NHS: variants seen among roughly 807,000 people sequenced by gnomAD.
NHS encodes the protein actin remodeling regulator NHS.
NHS carries 5 observed loss-of-function variants against 72.5 expected under a neutral mutation model. That is an observed-to-expected ratio of 0.07 (90% CI 0.04 to 0.14). The LOEUF (loss-of-function observed/expected upper bound fraction) is 0.14. NHS is among the 10% of genes least tolerant of loss of function. The pLI is 1.00. For missense variants in NHS, 1,072 were observed against 1,355.7 expected (o/e 0.79, Z 3.29); for synonymous variants, 464 against 547.7 (o/e 0.85, Z 2.13).
chrX:17,460,915 G>A (rs1169810524), intron 1 of NHS, among the ~76,000 whole-genome samples: 1 of 111,934 alleles, frequency 8.9e-6, no homozygotes, highest in Non-Finnish European at 1.9e-5. Context: ...TCAAGCCCAG[G>A]GAGTCTGACC....
At chrX:17,556,560 G>T (rs1184660899) in intron 1 of NHS, among the ~76,000 whole-genome samples, 4 of 112,852 alleles carry the variant, frequency 3.5e-5, no homozygotes, top group Non-Finnish European at 7.5e-5. Flanking sequence ...TCCTTACTTA[G>T]CTCTATAAAG....
chrX:17,521,366 CTTT>C (rs766662277), intron 1 of NHS, among the ~76,000 whole-genome samples: 1 of 97,350 alleles, frequency 1.0e-5, no homozygotes, highest in Admixed American at 1.1e-4. Context: ...TCCCTTCCCT[CTTT>C]TTTTTTTTTT....
At chrX:17,445,724 G>A (rs2064775477) in intron 1 of NHS, among the ~76,000 whole-genome samples, 1 of 94,718 alleles carries the variant, frequency 1.1e-5, no homozygotes, top group African/African-American at 3.9e-5. Flanking sequence ...AAATCGCTGA[G>A]GTCTCGACTT....
intron 1 of NHS, among the ~76,000 whole-genome samples, chrX:17,634,212 C>A (rs921718056): frequency 8.9e-6 from 1 of 112,270 alleles, no homozygotes; most frequent in East Asian, 2.8e-4. Flanking sequence ...TCTGGGCTGT[C>A]TTAATGCATC....
intron 1 of NHS, among the ~76,000 whole-genome samples, chrX:17,468,419 A>G (rs1015858185): frequency 9.1e-6 from 1 of 110,143 alleles, no homozygotes; most frequent in Non-Finnish European, 1.9e-5. Flanking sequence ...CATCATTTAA[A>G]GATATTGGGA....
At chrX:17,537,192 A>G (rs2065230145) in intron 1 of NHS, among the ~76,000 whole-genome samples, 1 of 112,395 alleles carries the variant, frequency 8.9e-6, no homozygotes, top group Non-Finnish European at 1.9e-5. Flanking sequence ...AGTTTCTGGT[A>G]GATGTTTTGC....
intron 2 of NHS, among the ~76,000 whole-genome samples, chrX:17,690,562 C>T (rs1389307663): frequency 1.8e-5 from 2 of 112,114 alleles, no homozygotes; most frequent in Non-Finnish European, 3.8e-5. Flanking sequence ...ATAGCAAACC[C>T]CCCAACAAAT....
chrX:17,603,323 G>C (rs902959407), intron 1 of NHS, among the ~76,000 whole-genome samples: 1 of 112,000 alleles, frequency 8.9e-6, no homozygotes, highest in Admixed American at 9.4e-5. Flanking sequence ...ATTTAGCAAC[G>C]GTGATTTTAG....
At chrX:17,564,463 C>T (rs2065431257) in intron 1 of NHS, among the ~76,000 whole-genome samples, 1 of 111,986 alleles carries the variant, frequency 8.9e-6, no homozygotes, top group Non-Finnish European at 1.9e-5. Context: ...GGGTCCAGCA[C>T]TTATTGTACT....
intron 1 of NHS, among the ~76,000 whole-genome samples, chrX:17,435,190 A>G (rs1054071593): frequency 1.7e-4 from 19 of 111,807 alleles, no homozygotes; most frequent in Admixed American, 9.4e-5. Context: ...GTAGGTCCAG[A>G]TATCAGTTTT....
intron 1 of NHS, among the ~76,000 whole-genome samples, chrX:17,545,072 G>C (rs766164542): frequency 8.9e-6 from 1 of 112,245 alleles, no homozygotes; most frequent in Non-Finnish European, 1.9e-5. Flanking sequence ...GGGACCTGCT[G>C]TCAGGAGGCT....
chrX:17,568,008 C>G (rs1487355104), intron 1 of NHS, among the ~76,000 whole-genome samples: 1 of 111,848 alleles, frequency 8.9e-6, no homozygotes, highest in African/African-American at 3.3e-5. Flanking sequence ...CCACCCAGTC[C>G]TCTTGTCTAA....
chrX:17,719,424 A>T lies in NHS; in HGVS notation c.915+18A>T, dbSNP rs1417053200. The T allele has an allele frequency of 3.5e-6, 4 of 1,131,375 alleles. No homozygotes were observed. Among genetic ancestry groups the T allele is most frequent in the Non-Finnish European group, 4.8e-6 (4 of 841,749 alleles). The allele number at this position is 1,131,375 out of a possible 1,213,427, so 93.2% of individuals were successfully genotyped here. On this transcript the variant is annotated intron_variant, in intron 4 of 8. Transcript: ENST00000676302. ...GTAGAAAGGTATTGGTTCTGAGAAC[A>T]TTCCTTCACGGCCCTATCCCACTCT...
At chrX:17,409,207 G>A (rs1030459300) in intron 1 of NHS, among the ~76,000 whole-genome samples, 1 of 111,953 alleles carries the variant, frequency 8.9e-6, no homozygotes. Flanking sequence ...GCTGTTTCCC[G>A]AACAAGACAA....
chrX:17,674,915 C>T (rs1218557043), intron 1 of NHS, among the ~76,000 whole-genome samples: 1 of 111,849 alleles, frequency 8.9e-6, no homozygotes, highest in Non-Finnish European at 1.9e-5. Context: ...TCCTAGTTTT[C>T]GAAATACTGC....
chrX:17,424,055 G>A (rs1451650994), intron 1 of NHS, among the ~76,000 whole-genome samples: 2 of 112,475 alleles, frequency 1.8e-5, no homozygotes, highest in Non-Finnish European at 3.8e-5. Context: ...AGTTCTGGTG[G>A]TTATCCAAGG....
At chrX:17,405,525 A>G (rs944649754) in intron 1 of NHS, among the ~76,000 whole-genome samples, 5 of 112,313 alleles carry the variant, frequency 4.5e-5, no homozygotes, top group African/African-American at 1.6e-4. Flanking sequence ...GGCACCTTGG[A>G]AGGGTTACGG....
At chrX:17,483,618 A>G (rs1318671875) in intron 1 of NHS, among the ~76,000 whole-genome samples, 1 of 111,550 alleles carries the variant, frequency 9.0e-6, no homozygotes, top group Non-Finnish European at 1.9e-5. Context: ...CAGTCCAGCA[A>G]TGTCGGAGTT....
At chrX:17,504,250 G>A (rs762770643) in intron 1 of NHS, among the ~76,000 whole-genome samples, 2 of 111,779 alleles carry the variant, frequency 1.8e-5, no homozygotes, top group African/African-American at 6.5e-5. Flanking sequence ...GCAGAGATGC[G>A]AAAGTTTTAC....
Sources: gnomAD v4.1 joint callset for allele counts (sites outside exome capture counted in the v4.1 genomes callset) on GRCh38, gnomAD v4.1.1 for gene constraint, MANE v1.5 for transcripts, NCBI Gene and HGNC (gene_info 2026-07-23, HGNC 2026-07-21) for gene names.